TRPM6: variants seen among roughly 807,000 people sequenced by gnomAD.
TRPM6 encodes transient receptor potential cation channel subfamily M member 6, also known as channel kinase 2.
TRPM6 carries 111 observed loss-of-function variants against 247.6 expected under a neutral mutation model. That is an observed-to-expected ratio of 0.45 (90% CI 0.38 to 0.52). The LOEUF (loss-of-function observed/expected upper bound fraction) is 0.52. Ranked by LOEUF, TRPM6 falls within the 20% of genes least tolerant of loss-of-function variation. The probability of loss-of-function intolerance (pLI) is 0.00; values close to 1 mark genes in which losing one functional copy is unlikely to be tolerated. For missense variants in TRPM6, 2,126 were observed against 2,421.5 expected, an observed-to-expected ratio of 0.88 and a Z score of 2.56; for synonymous variants, 892 against 853.8, an observed-to-expected ratio of 1.04 and a Z score of -0.78.
At chr9:74,813,577 GC>G (rs1056603153) in intron 11 of TRPM6, among the ~76,000 whole-genome samples, 1 of 152,092 alleles carries the variant, frequency 6.6e-6, no homozygotes, top group Non-Finnish European at 1.5e-5. Flanking sequence ...GTATCTGGGG[GC>G]CCCTGAACTA....
Position 74,762,861 on chromosome 9 carries a change from C to T in TRPM6, c.3810G>A (p.Glu1270=), listed in dbSNP as rs746265784. 2.5e-6 allele frequency: 4 copies of T among 1,613,878 alleles called. No individual in the cohort carries two copies. The highest frequency in any genetic ancestry group is 3.4e-6 in the Non-Finnish European group (4 of 1,179,966). ...EVLGSMEIAG[E]KKYQYYSMPS... ...GCATGCTATAATACTGGTATTTCTTCTCTCCAGCGATCTCCATGCTGCCTA... is the reference window on the plus strand; with the variant it reads ...GCATGCTATAATACTGGTATTTCTTTTCTCCAGCGATCTCCATGCTGCCTA... The change falls in exon 26 of 39, where the codon GAG becomes GAA. Residue 1270 remains glutamate, a synonymous_variant. Transcript: ENST00000360774.
intron 1 of TRPM6, among the ~76,000 whole-genome samples, chr9:74,872,761 C>T (rs934890531): frequency 1.3e-5 from 2 of 152,150 alleles, no homozygotes; most frequent in South Asian, 2.1e-4. Context: ...TGAGCCACTG[C>T]GCGGAACCTG....
chr9:74,761,747 T>C lies in TRPM6; in HGVS notation c.4734A>G (p.Lys1578=). 2 of 1,614,050 alleles carry C rather than the reference T, an allele frequency of 1.2e-6. No individual in the cohort carries two copies. Among genetic ancestry groups the C allele is most frequent in the South Asian group, 1.1e-5 (1 of 91,084 alleles). The change falls in exon 27 of 39, where the codon AAA becomes AAG. Residue 1578 remains lysine (K), a synonymous_variant. Coordinates refer to ENST00000360774, the MANE Select transcript of TRPM6 (RefSeq NM_017662.5). ...TCTTTTTCTTTGACAGTCTCCTGTC[T>C]TTGGTTAGCATTTTCGCTTTGACCC... ...GAWVKAKMLT[K]DRRLSKKKKN...
chr9:74,768,427 G>A (rs548779040), intron 25 of TRPM6, among the ~76,000 whole-genome samples: 2 of 152,152 alleles, frequency 1.3e-5, no homozygotes, highest in East Asian at 1.9e-4. Flanking sequence ...AATGCTCCCC[G>A]GGGGCTTCAG....
chr9:74,755,622 C>T (rs1224767805), intron 27 of TRPM6, 149 bp from the exon 28 acceptor site: 1 of 983,002 alleles, frequency 1.0e-6, no homozygotes, highest in Non-Finnish European at 1.6e-6. Flanking sequence ...AATCCCATCA[C>T]TTAGGCTGGC....
intron 14 of TRPM6, 127 bp downstream of exon 14, chr9:74,807,907 A>C: frequency 1.9e-6 from 2 of 1,071,174 alleles, no homozygotes; most frequent in East Asian, 4.8e-5. Flanking sequence ...TACAGCAGAT[A>C]ACAAATGTCC....
At chr9:74,876,900 A>T (rs1418041108) in intron 1 of TRPM6, among the ~76,000 whole-genome samples, 1 of 152,230 alleles carries the variant, frequency 6.6e-6, no homozygotes, top group Non-Finnish European at 1.5e-5. Flanking sequence ...TCCGGAAGAA[A>T]ATCTGAAGCA....
intron 8 of TRPM6, 85 bp from the exon 9 acceptor site, chr9:74,820,512 C>A: frequency 1.3e-6 from 2 of 1,528,086 alleles, no homozygotes; most frequent in Admixed American, 1.7e-5. Flanking sequence ...CCCATCAGCT[C>A]CCCAGACTGA....
At chr9:74,874,241 CAAAAA>C (rs55659846) in intron 1 of TRPM6, among the ~76,000 whole-genome samples, 2 of 137,270 alleles carry the variant, frequency 1.5e-5, no homozygotes, top group Non-Finnish European at 3.2e-5. Flanking sequence ...GTCTTAAAAA[CAAAAA>C]AAAAAAAAAA....
Position 74,786,246 on chromosome 9 carries a change from A to G in TRPM6, c.2668-121T>C, listed in dbSNP as rs1827659792. On this transcript the variant is annotated intron_variant, in intron 20 of 38. Coordinates refer to ENST00000360774, the MANE Select transcript of TRPM6 (RefSeq NM_017662.5). ...GTAATCTAAAACCTGCCAAACCTTA[A>G]ATCACTTGCGGATTTCAGAGACTTA... is the stretch of plus-strand genomic sequence containing the variant. The G allele has an allele frequency of 2.8e-6, 3 of 1,071,448 alleles. No individual in the cohort carries two copies. The Admixed American group carries it at 6.3e-5, about 23-fold the overall frequency. 66.4% of individuals were successfully genotyped at this position (1,071,448 alleles called of 1,614,324 possible).
Position 74,838,371 on chromosome 9 carries a change from A to G in TRPM6, c.544+1653T>C, listed in dbSNP as rs1308496014. 2.6e-5 allele frequency among the ~76,000 whole-genome samples: 4 copies of G among 152,200 alleles called. No individual in the cohort carries two copies. In the East Asian group the frequency reaches 7.7e-4, roughly 29 times the overall value. ...CAGTTTCTTCCAAGAATGTGAAACA[A>G]TCTCTATAAAATATGTATGATAAAG... On this transcript the variant is annotated intron_variant, in intron 5 of 38. Transcript: ENST00000360774.
At chr9:74,825,664 G>C (rs1307645777) in intron 7 of TRPM6, among the ~76,000 whole-genome samples, 1 of 152,012 alleles carries the variant, frequency 6.6e-6, no homozygotes, top group East Asian at 1.9e-4. Flanking sequence ...GCAAGCTCAG[G>C]GTTGTTGCAT....
rs1305503623 is a variant in TRPM6 at position 74,776,072 on chromosome 9, C to A, written c.3214G>T (p.Val1072Phe). The A allele has an allele frequency of 6.2e-7, 1 of 1,612,886 alleles. No individual in the cohort carries two copies. The highest frequency in any genetic ancestry group is 1.1e-5 in the South Asian group (1 of 91,030). The change falls in exon 24 of 39, where the codon GTT becomes TTT. Residue 1072 changes from valine (V) to phenylalanine (F), a missense_variant. Physicochemically the swap from Val to Phe is conservative, Grantham distance 50 (BLOSUM62 -1). This residue lies in a region of TRPM6 where 1,082 missense variants were observed against 1,307.9 expected (regional missense o/e 0.83). Transcript: ENST00000360774. Reference sequence around the variant, plus strand: ...GAAATGGATTCCATATCTAAGTAAACGTTGCTGTAAGATGAAGTAAGAGAG... The same window carrying A: ...GAAATGGATTCCATATCTAAGTAAAAGTTGCTGTAAGATGAAGTAAGAGAG... ...VNLLIAFFNN[V>F]YLDMESISNN...
intron 3 of TRPM6, among the ~76,000 whole-genome samples, chr9:74,849,972 T>C (rs2376268): frequency 0.19 from 28,216 of 152,298 alleles, 2,713 homozygotes; most frequent in East Asian, 0.28. Context: ...ATCAGTGGGC[T>C]AAGGATACTT....
rs1337220296 is a variant in TRPM6, at chr9:74,722,767, A to C, written c.*1846T>G. 6.6e-6 allele frequency: 1 copy of C among 152,174 alleles called. No homozygotes were observed. The highest frequency in any genetic ancestry group is 6.5e-5 in the Admixed American group (1 of 15,274). 9.4% of individuals were successfully genotyped at this position (152,174 alleles called of 1,614,324 possible). ...CCCGCTTTCCACCACCCCAAAACCCAAGTAAAAGGGGAATAAATTAGCCCT... is the reference window on the plus strand; with the variant it reads ...CCCGCTTTCCACCACCCCAAAACCCCAGTAAAAGGGGAATAAATTAGCCCT... On this transcript the variant is annotated 3_prime_UTR_variant, in exon 39 of 39. Coordinates refer to ENST00000360774, the MANE Select transcript of TRPM6 (RefSeq NM_017662.5).
Position 74,750,742 on chromosome 9 carries a change from C to T in TRPM6, c.4999-20G>A, listed in dbSNP as rs373826837. 1.8e-5 allele frequency: 29 copies of T among 1,613,178 alleles called. No individual in the cohort carries two copies. The highest frequency in any genetic ancestry group is 1.5e-4 in the African/African-American group (11 of 74,886). On this transcript the variant is annotated intron_variant, in intron 29 of 38. Coordinates refer to ENST00000360774, the MANE Select transcript of TRPM6 (RefSeq NM_017662.5). The stretch of plus-strand genomic sequence containing the variant: ...GAGATCCTGAGCAGAAGGGAAAGGC[C>T]GTTACGTGTGTGCTCAACATAGTCC...
chr9:74,844,632 T>C (rs1407204927), intron 3 of TRPM6, among the ~76,000 whole-genome samples: 1 of 152,246 alleles, frequency 6.6e-6, no homozygotes, highest in East Asian at 1.9e-4. Context: ...TGTGGCTGGT[T>C]TGATCTTCCA....
Position 74,808,115 on chromosome 9 carries a change from G to A in TRPM6, c.1557C>T (p.Tyr519=). 2.5e-6 allele frequency: 4 copies of A among 1,613,916 alleles called. No homozygotes were observed. Among genetic ancestry groups the A allele is most frequent in the Non-Finnish European group, 3.4e-6 (4 of 1,179,902 alleles). The part of the protein sequence containing the change: ...TLIDIGLVVE[Y]LIGRAYRSNY... Reference sequence around the variant, plus strand: ...TGCTGCGATATGCTCTACCAATGAGGTATTCTACTACTAATCCAATGTCAA... The same window carrying A: ...TGCTGCGATATGCTCTACCAATGAGATATTCTACTACTAATCCAATGTCAA... Residue 519 remains tyrosine (Y), a synonymous_variant, in exon 14 of 39, where the codon TAC becomes TAT. Transcript: ENST00000360774.
rs556983459 is a variant in TRPM6 at position 74,767,353 on chromosome 9, A to G, written c.3537-4219T>C. ...CTGACTTACACTACTAGAATCAAAA[A>G]AGAAGTTAGAGTCCCAAATAGGGAA... On this transcript the variant is annotated intron_variant, in intron 25 of 38. Transcript: ENST00000360774. Among the ~76,000 whole-genome samples the G allele has an allele frequency of 1.1e-4, 17 of 152,360 alleles. 1 individual carries two copies. Among genetic ancestry groups the G allele is most frequent in the Admixed American group, 7.8e-4 (12 of 15,306 alleles).
Sources: gnomAD v4.1 joint callset for allele counts (sites outside exome capture counted in the v4.1 genomes callset) on GRCh38, gnomAD v4.1.1 for gene constraint, gnomAD v4.1.1 regional missense constraint, MANE v1.5 for transcripts, NCBI Gene and HGNC (gene_info 2026-07-23, HGNC 2026-07-21) for gene names.